The following DNAJC11 variants were observed in gnomAD, a reference collection of about 807,000 sequenced individuals.
DNAJC11 encodes the protein DnaJ heat shock protein family (Hsp40) member C11.
Under a neutral mutation model 78.6 loss-of-function variants are expected in DNAJC11, and 15 were observed. That is an observed-to-expected ratio of 0.19 (90% CI 0.13 to 0.29). The LOEUF is 0.29. DNAJC11 is among the 10% of genes least tolerant of loss of function. The probability of loss-of-function intolerance (pLI) is 1.00; values close to 1 mark genes in which losing one functional copy is unlikely to be tolerated. For missense variants in DNAJC11, 547 were observed against 709.6 expected, an observed-to-expected ratio of 0.77 and a Z score of 2.60; for synonymous variants, 292 against 272.1, an observed-to-expected ratio of 1.07 and a Z score of -0.72.
At chr1:6,677,042 G>T (rs187933362) in intron 3 of DNAJC11, among the ~76,000 whole-genome samples, 1 of 151,604 alleles carries the variant, frequency 6.6e-6, no homozygotes, top group Non-Finnish European at 1.5e-5. Flanking sequence ...GTGTAGTGGC[G>T]CATGCCTTGT....
chr1:6,642,739 T>G (rs1641896753), intron 10 of DNAJC11, among the ~76,000 whole-genome samples: 1 of 152,092 alleles, frequency 6.6e-6, no homozygotes. Flanking sequence ...GTTCTGAAGG[T>G]TCTTCGTTTC....
At chr1:6,685,716 T>C (rs1642645945) in intron 1 of DNAJC11, among the ~76,000 whole-genome samples, 2 of 152,256 alleles carry the variant, frequency 1.3e-5, no homozygotes, top group African/African-American at 4.8e-5. Flanking sequence ...TTTTGTTCTC[T>C]GGAACCCACC....
intron 3 of DNAJC11, among the ~76,000 whole-genome samples, chr1:6,674,697 T>C (rs1456066046): frequency 6.6e-6 from 1 of 151,534 alleles, no homozygotes; most frequent in African/African-American, 2.4e-5. Flanking sequence ...CACTACACTC[T>C]AGCCTGGGTG....
At chr1:6,644,788 C>A (rs1641941375) in intron 9 of DNAJC11, 114 bp from the exon 10 acceptor site, 4 of 921,808 alleles carry the variant, frequency 4.3e-6, no homozygotes, top group Non-Finnish European at 6.9e-6. Flanking sequence ...CCTCCTCGAC[C>A]CCCAGGGAGC....
At chr1:6,663,551 T>C (rs966558503) in intron 4 of DNAJC11, among the ~76,000 whole-genome samples, 50 of 152,108 alleles carry the variant, frequency 3.3e-4, no homozygotes, top group African/African-American at 1.2e-3. Flanking sequence ...ATGCAAGAAA[T>C]GCGGATGGAT....
chr1:6,697,272 G>A (rs1019997673), intron 1 of DNAJC11, among the ~76,000 whole-genome samples: 4 of 152,260 alleles, frequency 2.6e-5, no homozygotes, highest in African/African-American at 9.6e-5. Context: ...ATAGGAGAAC[G>A]GGGGGTCCTT....
intron 7 of DNAJC11, among the ~76,000 whole-genome samples, chr1:6,649,238 C>A (rs544484759): frequency 2.0e-4 from 31 of 151,730 alleles, no homozygotes; most frequent in African/African-American, 7.3e-4. Context: ...GGCGCGATCT[C>A]GGCTCACTGC....
At chr1:6,698,936 T>C (rs559354135) in intron 1 of DNAJC11, among the ~76,000 whole-genome samples, 1 of 147,966 alleles carries the variant, frequency 6.8e-6, no homozygotes, top group Non-Finnish European at 1.5e-5. Flanking sequence ...TCTAATTATA[T>C]ATATAAATAT....
intron 2 of DNAJC11, among the ~76,000 whole-genome samples, chr1:6,678,730 G>A (rs1347025422): frequency 6.6e-6 from 1 of 152,178 alleles, no homozygotes; most frequent in Non-Finnish European, 1.5e-5. Context: ...ATAGCTCACT[G>A]CAGCCTTGAA....
chr1:6,637,703 G>A (rs1447174076), intron 12 of DNAJC11, 199 bp from the exon 13 acceptor site: 4 of 625,354 alleles, frequency 6.4e-6, no homozygotes, highest in Non-Finnish European at 1.1e-5. Flanking sequence ...GCAGCTCTGG[G>A]TCAGAAGGTG....
At chr1:6,666,255 G>T (rs1442449883) in intron 4 of DNAJC11, among the ~76,000 whole-genome samples, 3 of 151,974 alleles carry the variant, frequency 2.0e-5, no homozygotes, top group Non-Finnish European at 2.9e-5. Context: ...AGATGGACAT[G>T]TTCTGGATAT....
At chr1:6,679,412 A>AAACGATATCCCAACTG (rs1210610447) in intron 2 of DNAJC11, among the ~76,000 whole-genome samples, 111 of 152,304 alleles carry the variant, frequency 7.3e-4, no homozygotes, top group African/African-American at 2.5e-3. Context: ...AGGGCTGTTC[A>AAACGATATCCCAACTG]AACGATATCC....
At chr1:6,677,337 C>T (rs554754604) in intron 3 of DNAJC11, among the ~76,000 whole-genome samples, 29 of 152,030 alleles carry the variant, frequency 1.9e-4, no homozygotes, top group Non-Finnish European at 2.9e-4. Context: ...CTGTTGCCCA[C>T]GTTAGAGTGT....
At chr1:6,675,981 C>G (rs1251161587) in intron 3 of DNAJC11, among the ~76,000 whole-genome samples, 1 of 152,106 alleles carries the variant, frequency 6.6e-6, no homozygotes, top group Non-Finnish European at 1.5e-5. Context: ...AACAAAGAAG[C>G]TTTAAGGAGT....
chr1:6,690,470 A>G (rs747180604), intron 1 of DNAJC11, among the ~76,000 whole-genome samples: 2 of 152,134 alleles, frequency 1.3e-5, no homozygotes, highest in African/African-American at 2.4e-5. Flanking sequence ...TAGAAACTCA[A>G]ACTTGGATCT....
chr1:6,651,307 CCTGGCCAGGG>C (rs1396294352), intron 7 of DNAJC11: 1 of 656,424 alleles, frequency 1.5e-6, no homozygotes, highest in Non-Finnish European at 2.8e-6. Context: ...GATGGTGCAG[CCTGGCCAGGG>C]CTGGGACAAG....
chr1:6,660,630 C>G (rs1484511515), intron 4 of DNAJC11, among the ~76,000 whole-genome samples: 6 of 152,194 alleles, frequency 3.9e-5, no homozygotes, highest in Non-Finnish European at 1.5e-5. Flanking sequence ...ATAAATCAAC[C>G]ATTTTTACCC....
chr1:6,686,999 A>G (rs1049092735), intron 1 of DNAJC11, among the ~76,000 whole-genome samples: 1 of 152,214 alleles, frequency 6.6e-6, no homozygotes, highest in Non-Finnish European at 1.5e-5. Flanking sequence ...TACTGTCCAT[A>G]TGTTCCCCAA....
rs573689702 is a variant in DNAJC11, at chr1:6,643,510, C to T, written c.1097+1048G>A. ...CAGGATGGTCTCAATCTCCTGACCT[C>T]GTGATCTGCCCGCCTTGGCCTCCCA... On this transcript the variant is annotated intron_variant, in intron 10 of 15. Coordinates refer to ENST00000377577, the MANE Select transcript of DNAJC11 (RefSeq NM_018198.4). Among the ~76,000 whole-genome samples, 54 of 152,106 alleles carry T rather than the reference C, an allele frequency of 3.6e-4. 1 individual carries two copies. Among genetic ancestry groups the T allele is most frequent in the African/African-American group, 1.0e-3 (43 of 41,484 alleles).
Sources: gnomAD v4.1 joint callset for allele counts (sites outside exome capture counted in the v4.1 genomes callset) on GRCh38, gnomAD v4.1.1 for gene constraint, MANE v1.5 for transcripts, NCBI Gene and HGNC (gene_info 2026-07-23, HGNC 2026-07-21) for gene names.